The following NADK variants were observed in gnomAD, a reference collection of about 807,000 sequenced individuals.
NADK encodes the protein NAD kinase, also known as poly(P)/ATP NAD kinase.
Under a neutral mutation model 49.8 loss-of-function variants are expected in NADK, and 22 were observed. The observed-to-expected ratio is 0.44, with a 90% CI of 0.32 to 0.63. The LOEUF (loss-of-function observed/expected upper bound fraction) is 0.63, where lower values mean the gene tolerates loss of function less well. Ranked by LOEUF, NADK falls within the 30% of genes least tolerant of loss-of-function variation. The pLI, the probability that NADK is intolerant of heterozygous loss-of-function variation, is 0.06. For synonymous variants in NADK, 268 were observed against 253.7 expected (o/e 1.06, Z -0.54); for missense variants, 438 against 609.4 (o/e 0.72, Z 2.96).
rs1037389466 is a variant in NADK at position 1,755,558 on chromosome 1, G to A, written c.586-82C>T. On this transcript the variant is annotated intron_variant, in intron 6 of 11. Transcript: ENST00000341426. ...AGCTTTCCAGCAGCACCTCAGGAGGGACCCAGCTCTGTGGGGACAGCACCC... is the reference window on the plus strand; with the variant it reads ...AGCTTTCCAGCAGCACCTCAGGAGGAACCCAGCTCTGTGGGGACAGCACCC... The A allele has an allele frequency of 6.9e-6, 7 of 1,017,494 alleles. No individual in the cohort carries two copies. The African/African-American group carries it at 1.1e-4, about 16-fold the overall frequency. The allele number at this position is 1,017,494 out of a possible 1,614,324, so 63.0% of individuals were successfully genotyped here. A position where few individuals can be genotyped will look rare whatever the true frequency, so the allele number is the denominator to read the frequency against.
chr1:1,754,041 T>C lies in NADK; in HGVS notation c.1101+10A>G. 6.4e-7 allele frequency: 1 copy of C among 1,566,146 alleles called. No homozygotes were observed. The highest frequency in any genetic ancestry group is 8.7e-7 in the Non-Finnish European group (1 of 1,156,016). The stretch of plus-strand genomic sequence containing the variant: ...TCACAAACCGGAAAAGGAGTGTCGT[T>C]GGCTCTGACCTTCAGCTCGACCCCT... On this transcript the variant is annotated intron_variant, in intron 10 of 11. Coordinates refer to ENST00000341426, the MANE Select transcript of NADK (RefSeq NM_023018.5). This position sits in a 1 kb window ranked among gnomAD's most constrained non-coding sequence, Gnocchi z 4.3.
At chr1:1,758,069 C>T (rs1244550614) in intron 3 of NADK, among the ~76,000 whole-genome samples, 1 of 152,234 alleles carries the variant, frequency 6.6e-6, no homozygotes, top group African/African-American at 2.4e-5. Context: ...ACGGAGCCTG[C>T]TCCTGTTCCC....
At chr1:1,768,787 T>C (rs1266861461) in intron 1 of NADK, among the ~76,000 whole-genome samples, 1 of 152,206 alleles carries the variant, frequency 6.6e-6, no homozygotes, top group African/African-American at 2.4e-5. Context: ...TGGCACTTTG[T>C]TACAGCAGCC....
intron 1 of NADK, among the ~76,000 whole-genome samples, chr1:1,776,705 G>A (rs1646221207): frequency 6.7e-6 from 1 of 149,048 alleles, no homozygotes; most frequent in Admixed American, 6.7e-5. Flanking sequence ...CCCGGGAGGT[G>A]GAGGTTGCAG....
chr1:1,755,898 G>A lies in NADK; in HGVS notation c.585+360C>T, dbSNP rs188515905. The A allele has an allele frequency of 1.1e-3, 528 of 460,702 alleles. 4 individuals carry two copies. The highest frequency in any genetic ancestry group is 8.3e-3 in the African/African-American group (426 of 51,306). 28.5% of individuals were successfully genotyped at this position (460,702 alleles called of 1,614,324 possible). ...GCAGAGCCAGGGTCCCCCACACAGC[G>A]TGGCCCTACAGCCCCAGGGGAGAGC... On this transcript the variant is annotated intron_variant, in intron 6 of 11. Coordinates refer to ENST00000341426, the MANE Select transcript of NADK (RefSeq NM_023018.5).
intron 1 of NADK, among the ~76,000 whole-genome samples, chr1:1,777,715 G>A (rs1458719413): frequency 1.3e-5 from 2 of 152,048 alleles, no homozygotes; most frequent in African/African-American, 2.4e-5. Flanking sequence ...AAAAAACGAC[G>A]ACCTAGAGCT....
intron 2 of NADK, among the ~76,000 whole-genome samples, chr1:1,763,647 C>T (rs1645798511): frequency 6.8e-6 from 1 of 148,020 alleles, no homozygotes; most frequent in Non-Finnish European, 1.5e-5. Flanking sequence ...AAGAAGAAAA[C>T]GAAGTACATT....
At chr1:1,778,823 C>T (rs1473627368), upstream of NADK, 5 of 152,198 alleles carry the variant, frequency 3.3e-5, no homozygotes, top group East Asian at 1.9e-4. This position sits in a 1 kb window ranked among gnomAD's most constrained non-coding sequence, Gnocchi z 4.9. Context: ...GATCCCAGCC[C>T]GGCGTCCCGC....
chr1:1,768,209 T>C (rs560670499), intron 1 of NADK, among the ~76,000 whole-genome samples: 116 of 146,048 alleles, frequency 7.9e-4, no homozygotes, highest in South Asian at 1.7e-3. Flanking sequence ...GTCATAAGTG[T>C]GGGGTCTGAT....
chr1:1,759,004 G>T (rs116018868), intron 3 of NADK: 1 of 1,392,066 alleles, frequency 7.2e-7, no homozygotes, highest in Non-Finnish European at 9.5e-7. Flanking sequence ...GCCCAAGGGC[G>T]TGCAGGTGGC....
intron 3 of NADK, among the ~76,000 whole-genome samples, chr1:1,760,358 C>G (rs1645680172): frequency 6.6e-6 from 1 of 152,198 alleles, no homozygotes; most frequent in African/African-American, 2.4e-5. Context: ...AAGGCCAACC[C>G]CCGTCCTGCC....
upstream of NADK, chr1:1,780,281 C>A (rs1157525410): frequency 1.3e-5 from 2 of 152,168 alleles, no homozygotes; most frequent in African/African-American, 4.8e-5. Context: ...AGATGGCGCA[C>A]CCACAAGCCA....
chr1:1,756,925 C>T (rs745600447), intron 4 of NADK: 2 of 812,518 alleles, frequency 2.5e-6, no homozygotes, highest in Admixed American at 1.7e-5. Flanking sequence ...CAGATGTGGC[C>T]CCTTGATCTC....
At position 1,754,369 on chromosome 1, in the gene NADK, C is replaced by T. The variant is rs748639977; in HGVS notation, c.858G>A (p.Val286=). The T allele has an allele frequency of 5.0e-6, 8 of 1,613,928 alleles. No individual in the cohort carries two copies. Among genetic ancestry groups the T allele is most frequent in the Non-Finnish European group, 5.9e-6 (7 of 1,179,936 alleles). Residue 286 remains valine, a synonymous_variant, in exon 9 of 12, where the codon GTG becomes GTA. Transcript: ENST00000341426. The surrounding 1 kb of genome is among the most constrained non-coding windows in gnomAD (Gnocchi z 4.3). Reference sequence around the variant, plus strand: ...AGGAGGAGGGGCCTCTGTCAATCACCACCTCATTCAGGACCTGGAGGGGCG... The same window carrying T: ...AGGAGGAGGGGCCTCTGTCAATCACTACCTCATTCAGGACCTGGAGGGGCG... ...QAMQYQVLNE[V]VIDRGPSSYL...
chr1:1,764,503 G>A (rs1441518740), intron 2 of NADK, among the ~76,000 whole-genome samples: 1 of 152,192 alleles, frequency 6.6e-6, no homozygotes, highest in Non-Finnish European at 1.5e-5. Flanking sequence ...TCATAACTCT[G>A]CCTCCACCAG....
chr1:1,777,261 C>G (rs1396574206), intron 1 of NADK, among the ~76,000 whole-genome samples: 1 of 152,124 alleles, frequency 6.6e-6, no homozygotes, highest in East Asian at 1.9e-4. Context: ...ACAGGCCTTA[C>G]AGAGAAGTTC....
In NADK at chr1:1,758,725, T is replaced by C. The variant is rs1045745910; in HGVS notation, c.264-1415A>G. The C allele has an allele frequency of 5.5e-5, 73 of 1,330,376 alleles. No individual in the cohort carries two copies. The South Asian group carries it at 1.2e-3, about 23-fold the overall frequency. The allele number at this position is 1,330,376 out of a possible 1,614,324, so 82.4% of individuals were successfully genotyped here. ...TTGGTCACATGGTCCTCCTGCCTAA[T>C]CCCTTCTGAAAAAAAGTCCTCAGTT... On this transcript the variant is annotated intron_variant, in intron 3 of 11. Transcript: ENST00000341426.
intron 3 of NADK, chr1:1,759,098 G>C: frequency 6.5e-7 from 1 of 1,536,646 alleles, no homozygotes; most frequent in Non-Finnish European, 8.8e-7. Context: ...AGTCACCACT[G>C]ACCCAGTGGC....
chr1:1,780,229 TGA>T (rs1254627803), upstream of NADK: 1 of 152,184 alleles, frequency 6.6e-6, no homozygotes, highest in African/African-American at 2.4e-5. Flanking sequence ...ATGCGTGAGC[TGA>T]GTTTTTGCAT....
Sources: gnomAD v4.1 joint callset for allele counts (sites outside exome capture counted in the v4.1 genomes callset) on GRCh38, gnomAD v4.1.1 for gene constraint, Gnocchi (gnomAD v3.1) non-coding constraint, MANE v1.5 for transcripts, NCBI Gene and HGNC (gene_info 2026-07-23, HGNC 2026-07-21) for gene names.